ADGRL2: variants seen among roughly 807,000 people sequenced by gnomAD.
ADGRL2 encodes calcium-independent alpha-latrotoxin receptor 2.
In ADGRL2, 44 loss-of-function variants were observed where a neutral mutation model predicts 157.4. The observed-to-expected ratio is 0.28, with a 90% CI of 0.22 to 0.36. ADGRL2 has a LOEUF of 0.36. Among genes scored for constraint, ADGRL2 ranks in the 10% least tolerant of loss-of-function variants. The probability of loss-of-function intolerance (pLI) is 1.00; values close to 1 mark genes in which losing one functional copy is unlikely to be tolerated. For synonymous variants in ADGRL2, 585 were observed against 624.7 expected, an observed-to-expected ratio of 0.94 and a Z score of 0.95; for missense variants, 1,510 against 1,768.9, an observed-to-expected ratio of 0.85 and a Z score of 2.63.
chr1:81,750,321 T>A (rs1160762587), intron 1 of ADGRL2, among the ~76,000 whole-genome samples: 1 of 152,100 alleles, frequency 6.6e-6, no homozygotes, highest in Non-Finnish European at 1.5e-5. Flanking sequence ...CTAACAGCAA[T>A]AGGATATTGG....
Position 81,387,201 on chromosome 1 carries a change from G to C in ADGRL2, c.-301-57835G>C, listed in dbSNP as rs150377784. 2.2e-3 allele frequency among the ~76,000 whole-genome samples: 342 copies of C among 152,174 alleles called. 1 individual carries two copies. Among genetic ancestry groups the C allele is most frequent in the African/African-American group, 7.2e-3 (301 of 41,538 alleles). On this transcript the variant is annotated intron_variant, in intron 1 of 24. Coordinates refer to the ADGRL2 transcript ENST00000370721. ...ATGTTACGTGAAAACACTTGGACTT[G>C]TAAAACAAAATACCAATATTAATTG...
chr1:81,330,537 C>G (rs546842844), intron 1 of ADGRL2, among the ~76,000 whole-genome samples: 56 of 152,236 alleles, frequency 3.7e-4, no homozygotes, highest in Non-Finnish European at 6.3e-4. Flanking sequence ...TCAGGGGCTA[C>G]TTATCTGGAG....
At chr1:81,334,735 G>A (rs1405250267) in intron 1 of ADGRL2, among the ~76,000 whole-genome samples, 1 of 152,046 alleles carries the variant, frequency 6.6e-6, no homozygotes, top group African/African-American at 2.4e-5. Flanking sequence ...CTCAGAATTG[G>A]CACTTGTAAA....
At chr1:81,933,613 A>T (rs956100943) in intron 3 of ADGRL2, among the ~76,000 whole-genome samples, 1 of 152,226 alleles carries the variant, frequency 6.6e-6, no homozygotes, top group Non-Finnish European at 1.5e-5. Context: ...AAATGATAGC[A>T]ATTTACACTT....
chr1:81,394,515 A>G (rs1274612609), intron 1 of ADGRL2, among the ~76,000 whole-genome samples: 3 of 152,164 alleles, frequency 2.0e-5, no homozygotes, highest in Non-Finnish European at 4.4e-5. Flanking sequence ...CTCCAAGCTT[A>G]TATATGTTGC....
At chr1:81,501,770 A>G in intron 2 of ADGRL2, 1 of 1,600,966 alleles carries the variant, frequency 6.2e-7, no homozygotes, top group Non-Finnish European at 8.5e-7. Flanking sequence ...TGAGGCAAAA[A>G]TGGAGCCACT....
rs539852664 is a variant in ADGRL2 at position 81,478,086 on chromosome 1, TA to T, written c.-248+33006del. ...AACATACACTTTAATGTATTGTCTTTAAAAAAAAATACTGCTTTCAGAAAGA... is the reference window on the plus strand; with the variant it reads ...AACATACACTTTAATGTATTGTCTTTAAAAAAAATACTGCTTTCAGAAAGA... On this transcript the variant is annotated intron_variant, in intron 2 of 24. Transcript: ENST00000370721. 1.7e-3 allele frequency among the ~76,000 whole-genome samples: 262 copies of T among 151,456 alleles called. 1 individual carries two copies. The highest frequency in any genetic ancestry group is 5.8e-3 in the African/African-American group (241 of 41,370).
chr1:81,558,153 C>T (rs189741212), intron 2 of ADGRL2, among the ~76,000 whole-genome samples: 4 of 152,126 alleles, frequency 2.6e-5, no homozygotes, highest in Admixed American at 2.0e-4. Flanking sequence ...ACGATGTCTT[C>T]CATGTGCAAA....
chr1:81,356,199 A>G (rs757200026), intron 1 of ADGRL2, among the ~76,000 whole-genome samples: 4 of 152,232 alleles, frequency 2.6e-5, no homozygotes, highest in Non-Finnish European at 4.4e-5. Context: ...AAAATGAGCT[A>G]AGAGACATGG....
intron 2 of ADGRL2, among the ~76,000 whole-genome samples, chr1:81,476,751 G>T (rs985920762): frequency 1.3e-5 from 2 of 152,148 alleles, no homozygotes; most frequent in African/African-American, 4.8e-5. Flanking sequence ...AGTTTAACCT[G>T]TGATATCCTG....
At chr1:81,786,152 G>A (rs1268969966) in intron 2 of ADGRL2, among the ~76,000 whole-genome samples, 1 of 152,064 alleles carries the variant, frequency 6.6e-6, no homozygotes, top group East Asian at 1.9e-4. Context: ...ATAGGAAAAT[G>A]TGTTGGCCTA....
At chr1:81,548,833 T>C (rs984006347) in intron 2 of ADGRL2, among the ~76,000 whole-genome samples, 3 of 152,128 alleles carry the variant, frequency 2.0e-5, no homozygotes, top group Admixed American at 2.0e-4. Context: ...GCACTTGGAG[T>C]GAGCAAGATA....
At chr1:81,317,912 G>A (rs937059210) in intron 1 of ADGRL2, among the ~76,000 whole-genome samples, 10 of 152,074 alleles carry the variant, frequency 6.6e-5, no homozygotes, top group Admixed American at 5.9e-4. Context: ...GTGTACATAT[G>A]CACATAGTTT....
chr1:81,521,806 T>C (rs78171929), intron 2 of ADGRL2, among the ~76,000 whole-genome samples: 2,618 of 152,300 alleles, frequency 0.017, 43 homozygotes, highest in South Asian at 0.058. Flanking sequence ...AAATTCTTCT[T>C]TTCTTTTGGT....
chr1:81,567,811 G>A (rs1415923004), intron 2 of ADGRL2, among the ~76,000 whole-genome samples: 1 of 152,116 alleles, frequency 6.6e-6, no homozygotes, highest in Non-Finnish European at 1.5e-5. Context: ...CTAGCTGATA[G>A]AGTAGGATGG....
intron 23 of ADGRL2, chr1:81,989,825 T>C (rs1283457348): frequency 6.3e-6 from 9 of 1,428,630 alleles, no homozygotes; most frequent in Non-Finnish European, 8.2e-6. Flanking sequence ...TATCTGTCCA[T>C]GTTTTCATTC....
At chr1:81,615,292 G>T (rs2081620183) in intron 3 of ADGRL2, among the ~76,000 whole-genome samples, 1 of 152,206 alleles carries the variant, frequency 6.6e-6, no homozygotes, top group Admixed American at 6.5e-5. Context: ...GGATGTGGGT[G>T]GGGCCAAATC....
intron 6 of ADGRL2, among the ~76,000 whole-genome samples, chr1:81,945,804 G>C (rs1330495040): frequency 2.0e-5 from 3 of 151,924 alleles, no homozygotes; most frequent in Admixed American, 1.3e-4. Flanking sequence ...CCCTTATTCA[G>C]CCCTTAGTGA....
At chr1:81,608,079 G>C (rs953872876) in intron 3 of ADGRL2, among the ~76,000 whole-genome samples, 2 of 152,124 alleles carry the variant, frequency 1.3e-5, no homozygotes, top group South Asian at 2.1e-4. Flanking sequence ...GTAGTAAGTG[G>C]GTTTCACTGT....
Sources: gnomAD v4.1 joint callset for allele counts (sites outside exome capture counted in the v4.1 genomes callset) on GRCh38, gnomAD v4.1.1 for gene constraint, MANE v1.5 for transcripts, NCBI Gene and HGNC (gene_info 2026-07-23, HGNC 2026-07-21) for gene names.